Variants in CAMK1D observed in about 807,000 individuals in gnomAD.
The protein encoded by CAMK1D is calcium/calmodulin dependent protein kinase ID.
In CAMK1D, 9 loss-of-function variants were observed where a neutral mutation model predicts 47.7. The ratio of observed to expected loss-of-function variants is 0.19; its 90% confidence interval spans 0.11 to 0.33. The LOEUF (loss-of-function observed/expected upper bound fraction) is 0.33, where lower values mean the gene tolerates loss of function less well. Ranked by LOEUF, CAMK1D falls within the 10% of genes least tolerant of loss-of-function variation. The pLI is 1.00. For synonymous variants in CAMK1D, 184 were observed against 184.9 expected, an observed-to-expected ratio of 0.99 and a Z score of 0.04; for missense variants, 291 against 488.7, an observed-to-expected ratio of 0.60 and a Z score of 3.81.
intron 2 of CAMK1D, among the ~76,000 whole-genome samples, chr10:12,613,723 C>G (rs1441332751): frequency 1.3e-5 from 2 of 152,224 alleles, no homozygotes; most frequent in African/African-American, 4.8e-5. Flanking sequence ...CACGATCCAC[C>G]TGCCTTGGCC....
intron 1 of CAMK1D, among the ~76,000 whole-genome samples, chr10:12,515,217 AC>A (rs1275427994): frequency 1.3e-5 from 2 of 151,784 alleles, no homozygotes; most frequent in Admixed American, 1.3e-4. Context: ...AATGACTCTT[AC>A]GGTGTGCAGT....
At chr10:12,594,169 G>A (rs913050734) in intron 2 of CAMK1D, among the ~76,000 whole-genome samples, 4 of 152,194 alleles carry the variant, frequency 2.6e-5, no homozygotes, top group Non-Finnish European at 5.9e-5. Context: ...TGGGAGTGAA[G>A]TTCTGTCATT....
At chr10:12,701,743 G>T (rs115356113) in intron 3 of CAMK1D, among the ~76,000 whole-genome samples, 2 of 152,198 alleles carry the variant, frequency 1.3e-5, no homozygotes. Flanking sequence ...CTTCTAGAAA[G>T]GAAATCTATG....
In CAMK1D at chr10:12,398,779, A is replaced by G. The variant is rs555846318; in HGVS notation, c.92+48869A>G. On this transcript the variant is annotated intron_variant, in intron 1 of 10. Coordinates refer to ENST00000619168, the MANE Select transcript of CAMK1D (RefSeq NM_153498.4). ...AATATATCTCCTAATAAAAATCCAT[A>G]GAGTTTTTGGGGTCTTTTTTTTTTC... 1.3e-4 allele frequency among the ~76,000 whole-genome samples: 19 copies of G among 150,190 alleles called. 1 individual carries two copies. The South Asian group carries it at 3.7e-3, about 29-fold the overall frequency.
At chr10:12,655,196 ACACT>A (rs1212747946) in intron 2 of CAMK1D, among the ~76,000 whole-genome samples, 1 of 152,142 alleles carries the variant, frequency 6.6e-6, no homozygotes, top group Non-Finnish European at 1.5e-5. Context: ...CAGGAAACTT[ACACT>A]CATGATGGAA....
intron 1 of CAMK1D, among the ~76,000 whole-genome samples, chr10:12,421,718 G>A (rs1033359924): frequency 6.7e-6 from 1 of 149,702 alleles, no homozygotes; most frequent in Non-Finnish European, 1.5e-5. Flanking sequence ...TAGAGGTGGG[G>A]TTTTGCAAGG....
At chr10:12,459,228 TA>T (rs540304063) in intron 1 of CAMK1D, among the ~76,000 whole-genome samples, 2 of 151,980 alleles carry the variant, frequency 1.3e-5, no homozygotes, top group Non-Finnish European at 2.9e-5. Context: ...AAGTTTCAAA[TA>T]AAAAAAACCA....
At chr10:12,366,491 C>G (rs1320861202) in intron 1 of CAMK1D, among the ~76,000 whole-genome samples, 1 of 136,606 alleles carries the variant, frequency 7.3e-6, no homozygotes, top group East Asian at 2.0e-4. Context: ...CCCATGTCTA[C>G]TAAAAATAAA....
intron 2 of CAMK1D, among the ~76,000 whole-genome samples, chr10:12,617,667 C>A (rs1838864738): frequency 6.6e-6 from 1 of 152,182 alleles, no homozygotes; most frequent in Non-Finnish European, 1.5e-5. Flanking sequence ...TGAGCACGCC[C>A]TTCCTTCGGT....
chr10:12,604,374 C>T (rs1319894094), intron 2 of CAMK1D, among the ~76,000 whole-genome samples: 3 of 152,172 alleles, frequency 2.0e-5, no homozygotes, highest in African/African-American at 4.8e-5. Flanking sequence ...AGCTGACAGG[C>T]GTTAATAAGG....
In CAMK1D at chr10:12,553,278, T is replaced by C; in HGVS notation, c.146T>C (p.Phe49Ser). The C allele has an allele frequency of 6.2e-7, 1 of 1,614,176 alleles. No individual in the cohort carries two copies. Among genetic ancestry groups the C allele is most frequent in the East Asian group, 2.2e-5 (1 of 44,876 alleles). ...GAAGAGAAGGCAACTGGCAAGCTCT[T>C]TGCTGTGAAGTGTATCCCTAAGAAG... ...LAEEKATGKL[F>S]AVKCIPKKAL... Residue 49 changes from phenylalanine (F) to serine (S), a missense_variant, in exon 2 of 11, where the codon TTT becomes TCT. This residue lies in a region of CAMK1D where 219 missense variants were observed against 424.3 expected (regional missense o/e 0.52). Transcript: ENST00000619168.
At chr10:12,677,461 C>T (rs1840849571) in intron 3 of CAMK1D, among the ~76,000 whole-genome samples, 1 of 152,094 alleles carries the variant, frequency 6.6e-6, no homozygotes. Context: ...ACAGACAAGA[C>T]ACAATCGATG....
At chr10:12,534,658 G>A (rs980538483) in intron 1 of CAMK1D, among the ~76,000 whole-genome samples, 1 of 152,088 alleles carries the variant, frequency 6.6e-6, no homozygotes, top group African/African-American at 2.4e-5. Context: ...GAGCCACAGC[G>A]CCTGGCCAAA....
chr10:12,783,627 C>G (rs1837596129), intron 5 of CAMK1D, among the ~76,000 whole-genome samples: 1 of 152,210 alleles, frequency 6.6e-6, no homozygotes. Context: ...CAGCTGCTGT[C>G]TTAGTTTCAG....
At chr10:12,554,730 A>G (rs1009988513) in intron 2 of CAMK1D, among the ~76,000 whole-genome samples, 7 of 150,778 alleles carry the variant, frequency 4.6e-5, no homozygotes, top group African/African-American at 1.7e-4. Context: ...TTTTTAAGAG[A>G]TGGAGGGCTC....
intron 2 of CAMK1D, among the ~76,000 whole-genome samples, chr10:12,583,752 C>G (rs1188687763): frequency 1.3e-5 from 2 of 152,180 alleles, no homozygotes; most frequent in East Asian, 3.9e-4. Context: ...CAGGTGTGCA[C>G]CACCATGTCT....
chr10:12,522,896 G>A lies in CAMK1D; in HGVS notation c.93-30329G>A, dbSNP rs372902637. Among the ~76,000 whole-genome samples the A allele has an allele frequency of 3.3e-5, 3 of 89,880 alleles. 1 individual carries two copies. Among genetic ancestry groups the A allele is most frequent in the Admixed American group, 2.0e-4 (2 of 9,834 alleles). The allele number at this position is 89,880 out of a possible 152,430, so 59.0% of individuals were successfully genotyped here. A position where few individuals can be genotyped will look rare whatever the true frequency, so the allele number is the denominator to read the frequency against. On this transcript the variant is annotated intron_variant, in intron 1 of 10. Coordinates refer to ENST00000619168, the MANE Select transcript of CAMK1D (RefSeq NM_153498.4). ...CTGACCCCCCACCTCCCTCCCGGACGGGGCGGCTGGCCGGGCGGGGGCTGA... is the reference window on the plus strand; with the variant it reads ...CTGACCCCCCACCTCCCTCCCGGACAGGGCGGCTGGCCGGGCGGGGGCTGA...
intron 3 of CAMK1D, among the ~76,000 whole-genome samples, chr10:12,695,850 G>A (rs1588809818): frequency 6.6e-6 from 1 of 152,118 alleles, no homozygotes; most frequent in Admixed American, 6.6e-5. Flanking sequence ...AGGCCGAGGC[G>A]GGTGGATCAT....
At chr10:12,760,425 C>T (rs1836446470) in intron 3 of CAMK1D, among the ~76,000 whole-genome samples, 3 of 152,170 alleles carry the variant, frequency 2.0e-5, no homozygotes, top group Non-Finnish European at 4.4e-5. Flanking sequence ...TGACTAGATT[C>T]ATCCCCTAAT....
Sources: gnomAD v4.1 joint callset for allele counts (sites outside exome capture counted in the v4.1 genomes callset) on GRCh38, gnomAD v4.1.1 for gene constraint, gnomAD v4.1.1 regional missense constraint, MANE v1.5 for transcripts, NCBI Gene and HGNC (gene_info 2026-07-23, HGNC 2026-07-21) for gene names.